Variants in ARHGEF12 observed in about 807,000 individuals in gnomAD.
ARHGEF12 encodes Rho guanine nucleotide exchange factor 12, also known as KMT2A/ARHGEF12 fusion protein.
A neutral mutation model predicts 211.2 loss-of-function variants in ARHGEF12; 66 were observed. That is an observed-to-expected ratio of 0.31 (90% CI 0.26 to 0.38). The LOEUF is 0.38. Among genes scored for constraint, ARHGEF12 ranks in the 10% least tolerant of loss-of-function variants. The pLI is 1.00. For missense variants in ARHGEF12, 1,429 were observed against 1,869.5 expected (o/e 0.76, Z 4.34); for synonymous variants, 592 against 638.4 (o/e 0.93, Z 1.09).
chr11:120,412,311 A>T (rs1944909008), intron 4 of ARHGEF12, among the ~76,000 whole-genome samples: 1 of 152,218 alleles, frequency 6.6e-6, no homozygotes, highest in Non-Finnish European at 1.5e-5. Context: ...AAAATAAGTT[A>T]TGTCTTTTTA....
chr11:120,420,471 C>T (rs571461626), intron 4 of ARHGEF12, among the ~76,000 whole-genome samples: 1 of 152,270 alleles, frequency 6.6e-6, no homozygotes, highest in Admixed American at 6.5e-5. Flanking sequence ...TTCTAGCTGT[C>T]TCATGTCTAA....
At chr11:120,347,270 CTGTGTGTGTGTG>C (rs55651421) in intron 1 of ARHGEF12, among the ~76,000 whole-genome samples, 2,424 of 79,870 alleles carry the variant, frequency 0.03, 39 homozygotes, top group South Asian at 0.048. Flanking sequence ...CTCTCTCTGT[CTGTGTGTGTGTG>C]TGTGTGTGTG....
At chr11:120,441,000 T>G (rs1448214187) in intron 13 of ARHGEF12, among the ~76,000 whole-genome samples, 1 of 152,116 alleles carries the variant, frequency 6.6e-6, no homozygotes, top group African/African-American at 2.4e-5. Flanking sequence ...TATTAGAATA[T>G]TAAACTAGTC....
chr11:120,468,545 TTCA>T (rs748112653), intron 29 of ARHGEF12, among the ~76,000 whole-genome samples: 15 of 152,036 alleles, frequency 9.9e-5, no homozygotes, highest in Non-Finnish European at 2.1e-4. Flanking sequence ...ACCTCCCGGG[TTCA>T]AGCAATTCCC....
intron 22 of ARHGEF12, 66 bp from the exon 23 acceptor site, chr11:120,457,052 T>G: frequency 1.3e-6 from 2 of 1,536,866 alleles, no homozygotes; most frequent in South Asian, 2.4e-5. Context: ...GGGAACTAAT[T>G]TTTTTTGGTG....
chr11:120,446,147 G>A (rs1182009657), intron 16 of ARHGEF12, among the ~76,000 whole-genome samples: 2 of 151,048 alleles, frequency 1.3e-5, no homozygotes, highest in African/African-American at 4.9e-5. Flanking sequence ...GCAGTGAGCT[G>A]AGATCGCGCC....
At position 120,401,495 on chromosome 11, in the gene ARHGEF12, G is replaced by A. The variant is rs555790135; in HGVS notation, c.33-4623G>A. On this transcript the variant is annotated intron_variant, in intron 1 of 40. Coordinates refer to ENST00000397843, the MANE Select transcript of ARHGEF12 (RefSeq NM_015313.3). Reference sequence around the variant, plus strand: ...GATTCATATCAGTTTCAAATTTTAAGTACCATGTTTTAAGCCATTCTAATT... The same window carrying A: ...GATTCATATCAGTTTCAAATTTTAAATACCATGTTTTAAGCCATTCTAATT... 2.0e-5 allele frequency among the ~76,000 whole-genome samples: 3 copies of A among 152,288 alleles called. No individual in the cohort carries two copies. In the South Asian group the frequency reaches 6.2e-4, roughly 32 times the overall value.
At chr11:120,351,658 A>G (rs1251346003) in intron 1 of ARHGEF12, among the ~76,000 whole-genome samples, 2 of 150,996 alleles carry the variant, frequency 1.3e-5, no homozygotes, top group Non-Finnish European at 1.5e-5. Flanking sequence ...TTTAGTAGAG[A>G]CGGGGTTTCA....
chr11:120,360,350 A>C (rs1943245321), intron 1 of ARHGEF12, among the ~76,000 whole-genome samples: 1 of 152,078 alleles, frequency 6.6e-6, no homozygotes, highest in Non-Finnish European at 1.5e-5. Context: ...TAACCCCTAA[A>C]CTGTAAGTTA....
intron 17 of ARHGEF12, 147 bp downstream of exon 17, chr11:120,446,655 A>G (rs1391294041): frequency 2.1e-5 from 15 of 710,690 alleles, no homozygotes; most frequent in Non-Finnish European, 3.2e-5. Flanking sequence ...ATCTGGAGCC[A>G]AAGGGTTAGA....
intron 1 of ARHGEF12, among the ~76,000 whole-genome samples, chr11:120,345,576 G>A (rs903203302): frequency 2.6e-5 from 4 of 151,984 alleles, no homozygotes; most frequent in African/African-American, 9.7e-5. Context: ...GGTGGCGGGT[G>A]CCTGTAGTCC....
chr11:120,388,449 G>A (rs1358094589), intron 1 of ARHGEF12, among the ~76,000 whole-genome samples: 1 of 152,176 alleles, frequency 6.6e-6, no homozygotes, highest in East Asian at 1.9e-4. Flanking sequence ...AAGTTTTTGT[G>A]TGTACATAAG....
intron 1 of ARHGEF12, among the ~76,000 whole-genome samples, chr11:120,346,427 G>T (rs1942722131): frequency 6.6e-6 from 1 of 152,210 alleles, no homozygotes; most frequent in South Asian, 2.1e-4. Context: ...ACATACAATG[G>T]CTCTTAAAGC....
At chr11:120,414,542 A>T (rs1944974665) in intron 4 of ARHGEF12, among the ~76,000 whole-genome samples, 3 of 152,106 alleles carry the variant, frequency 2.0e-5, no homozygotes, top group Non-Finnish European at 4.4e-5. Context: ...GATATAAGTG[A>T]CTCTACCTAC....
rs554533410 is a variant in ARHGEF12, at chr11:120,398,473, A to T, written c.33-7645A>T. Among the ~76,000 whole-genome samples, 5 of 152,212 alleles carry T rather than the reference A, an allele frequency of 3.3e-5. No individual in the cohort carries two copies. In the South Asian group the frequency reaches 1.0e-3, roughly 32 times the overall value. ...GAAGCCAGTGTAAAATGGCATGCAT[A>T]TAATTAATTTCCTCATCTTTTCCTC... On this transcript the variant is annotated intron_variant, in intron 1 of 40. Transcript: ENST00000397843.
chr11:120,399,521 G>A (rs745325600), intron 1 of ARHGEF12, among the ~76,000 whole-genome samples: 26 of 151,806 alleles, frequency 1.7e-4, no homozygotes, highest in Non-Finnish European at 3.8e-4. Context: ...CTGTGGTTGG[G>A]CTTCTTTGTA....
chr11:120,377,348 CTT>C (rs961471279), intron 1 of ARHGEF12, among the ~76,000 whole-genome samples: 2 of 147,182 alleles, frequency 1.4e-5, no homozygotes, highest in Admixed American at 6.8e-5. Flanking sequence ...TTCTCTGTCT[CTT>C]TTTTTTTTTA....
At chr11:120,372,775 A>G (rs758804115) in intron 1 of ARHGEF12, among the ~76,000 whole-genome samples, 13 of 152,266 alleles carry the variant, frequency 8.5e-5, no homozygotes, top group Non-Finnish European at 1.3e-4. Context: ...GAAAAGTTAT[A>G]TAGCTTCTCT....
In ARHGEF12 at chr11:120,477,655, A is replaced by C. The variant is rs1947090723; in HGVS notation, c.3532+129A>C. 1.1e-5 allele frequency: 8 copies of C among 753,284 alleles called. No individual in the cohort carries two copies. The South Asian group carries it at 1.4e-4, about 13-fold the overall frequency. 46.7% of individuals were successfully genotyped at this position (753,284 alleles called of 1,614,324 possible). ...CGAGATAGGCGTATCACCTGAGGCC[A>C]GGAGTTAGAGGCCAACCTGACCAAC... On this transcript the variant is annotated intron_variant, in intron 36 of 40. Coordinates refer to ENST00000397843, the MANE Select transcript of ARHGEF12 (RefSeq NM_015313.3).
Sources: allele counts gnomAD v4.1 joint callset (sites outside exome capture counted in the v4.1 genomes callset), GRCh38; gene constraint gnomAD v4.1.1; transcripts MANE v1.5; gene names NCBI Gene and HGNC (gene_info 2026-07-23, HGNC 2026-07-21).